The following DCX variants were observed in gnomAD, a reference collection of about 807,000 sequenced individuals.
The protein encoded by DCX is doublecortin, also known as neuronal migration protein doublecortin.
Under a neutral mutation model 20.9 loss-of-function variants are expected in DCX, and 4 were observed. The observed-to-expected ratio is 0.19, with a 90% CI of 0.09 to 0.44. The LOEUF (loss-of-function observed/expected upper bound fraction) is 0.44. Ranked by LOEUF, DCX falls within the 20% of genes least tolerant of loss-of-function variation. The pLI is 0.99. For missense variants in DCX, 133 were observed against 296.9 expected (o/e 0.45, Z 4.06); for synonymous variants, 103 against 111.4 (o/e 0.92, Z 0.47).
In DCX at chrX:111,300,652, T is replaced by A; in HGVS notation, c.*1035A>T. The A allele has an allele frequency of 9.1e-6, 1 of 110,341 alleles. No individual in the cohort carries two copies. The highest frequency in any genetic ancestry group is 2.8e-4 in the East Asian group (1 of 3,545). 9.1% of individuals were successfully genotyped at this position (110,341 alleles called of 1,213,427 possible). A position where few individuals can be genotyped will look rare whatever the true frequency, so the allele number is the denominator to read the frequency against. On this transcript the variant is annotated 3_prime_UTR_variant, in exon 7 of 7. Coordinates refer to ENST00000636035, the MANE Select transcript of DCX (RefSeq NM_001195553.2). ...TTTTTTGGTAAATTTTCTTCATGTG[T>A]TTTTTAGACAAAAGAAAAATCACCA...
intron 3 of DCX, among the ~76,000 whole-genome samples, chrX:111,367,678 C>T (rs1375679508): frequency 9.0e-6 from 1 of 111,620 alleles, no homozygotes; most frequent in Non-Finnish European, 1.9e-5. Flanking sequence ...AAGCAATGTG[C>T]TGTGTAGTAG....
In DCX at chrX:111,301,519, T is replaced by C; in HGVS notation, c.*168A>G. On this transcript the variant is annotated 3_prime_UTR_variant, in exon 7 of 7. Transcript: ENST00000636035. ...GTGGATCAGTGGCCCAGAGGAGAAA[T>C]CACAGGAAAATAAACCCAACATATT... is the stretch of plus-strand genomic sequence containing the variant. 1.8e-6 allele frequency: 1 copy of C among 542,846 alleles called. No homozygotes were observed. Among genetic ancestry groups the C allele is most frequent in the Non-Finnish European group, 3.3e-6 (1 of 304,371 alleles). The allele number at this position is 542,846 out of a possible 1,213,427, so 44.7% of individuals were successfully genotyped here.
chrX:111,325,179 A>G (rs752305120), intron 5 of DCX, among the ~76,000 whole-genome samples: 97 of 111,527 alleles, frequency 8.7e-4, no homozygotes, highest in African/African-American at 3.0e-3. Context: ...AAAGCAGCAC[A>G]AAGGAAATGA....
intron 3 of DCX, among the ~76,000 whole-genome samples, chrX:111,390,426 T>A (rs1414547697): frequency 8.9e-6 from 1 of 112,256 alleles, no homozygotes; most frequent in African/African-American, 3.2e-5. Flanking sequence ...TAAGCTGCTA[T>A]GTTTGTGGTA....
At chrX:111,312,911 G>A (rs777793533) in intron 5 of DCX, among the ~76,000 whole-genome samples, 175 bp from the exon 6 acceptor site, 2 of 111,847 alleles carry the variant, frequency 1.8e-5, no homozygotes, top group African/African-American at 6.5e-5. Flanking sequence ...GGCAAGAACT[G>A]CAATCCTCAG....
At position 111,401,200 on chromosome X, in the gene DCX, G is replaced by C; in HGVS notation, c.495C>G (p.Ser165Arg). 1 of 1,211,606 alleles carries C rather than the reference G, an allele frequency of 8.3e-7. No homozygotes were observed. The highest frequency in any genetic ancestry group is 1.1e-6 in the Non-Finnish European group (1 of 895,456). The change falls in exon 3 of 7, where the codon AGC (serine) becomes AGG (arginine). Residue 165 changes from serine (S) to arginine (R), a missense_variant. Around this residue, in one of 2 missense-constraint regions of DCX, gnomAD observed 65 missense variants for 212.6 expected, o/e 0.31. Coordinates refer to ENST00000636035, the MANE Select transcript of DCX (RefSeq NM_001195553.2). The stretch of plus-strand genomic sequence containing the variant: ...TGTTCTCCCTGGCCTGTGCACTGTT[G>C]CTGCTAGCCAAGGACTGGGGGGCTT... Reference protein sequence around the residue: ...NMKAPQSLASSNSAQARENKD... With the variant: ...NMKAPQSLASRNSAQARENKD...
At chrX:111,313,901 G>A (rs2095063296) in intron 5 of DCX, among the ~76,000 whole-genome samples, 1 of 92,745 alleles carries the variant, frequency 1.1e-5, no homozygotes, top group South Asian at 7.5e-4. Context: ...GAGAGGGGGA[G>A]GGAGAAAGAG....
rs1430533735 is a variant in DCX, at chrX:111,295,415, G to A, written c.*6272C>T. On this transcript the variant is annotated 3_prime_UTR_variant, in exon 7 of 7. Transcript: ENST00000636035. ...ATGTCTCTTTTTATAGTATAGATTT[G>A]TTAAATTATCTTTTCATTTAAATCA... The A allele has an allele frequency of 1.8e-5, 2 of 112,062 alleles. No homozygotes were observed. The highest frequency in any genetic ancestry group is 3.8e-5 in the Non-Finnish European group (2 of 53,172). The allele number at this position is 112,062 out of a possible 1,213,427, so 9.2% of individuals were successfully genotyped here. A position where few individuals can be genotyped will look rare whatever the true frequency, so the allele number is the denominator to read the frequency against.
intron 2 of DCX, among the ~76,000 whole-genome samples, chrX:111,404,292 T>C (rs991306412): frequency 2.8e-4 from 31 of 111,395 alleles, no homozygotes; most frequent in African/African-American, 1.0e-3. Context: ...AGGGCAACCA[T>C]CTAGGAACTG....
At chrX:111,330,800 A>T in intron 5 of DCX, 104 bp downstream of exon 5, 2 of 1,107,619 alleles carry the variant, frequency 1.8e-6, no homozygotes, top group South Asian at 3.7e-5. Flanking sequence ...ATAGGGTTTC[A>T]TGGAGACACA....
intron 3 of DCX, among the ~76,000 whole-genome samples, chrX:111,340,376 G>A (rs994777735): frequency 5.3e-5 from 6 of 112,200 alleles, no homozygotes; most frequent in African/African-American, 1.3e-4. Flanking sequence ...TCTGATCTCC[G>A]TGGGCCTGAA....
chrX:111,374,338 G>T (rs1427484549), intron 3 of DCX, among the ~76,000 whole-genome samples: 1 of 112,221 alleles, frequency 8.9e-6, no homozygotes, highest in African/African-American at 3.2e-5. Flanking sequence ...GAAGCTTTCT[G>T]TTATCCATAG....
rs866666878 is a variant in DCX at position 111,368,901 on chromosome X, T to C, written c.705+32089A>G. ...CTAATACGGGATATATATATATACA[T>C]ACACACACACACACACACACACACA... On this transcript the variant is annotated intron_variant, in intron 3 of 6. Transcript: ENST00000636035. Among the ~76,000 whole-genome samples, 11 of 98,276 alleles carry C rather than the reference T, an allele frequency of 1.1e-4. 1 individual carries two copies. Among genetic ancestry groups the C allele is most frequent in the South Asian group, 9.3e-4 (2 of 2,154 alleles). 85.3% of individuals were successfully genotyped at this position (98,276 alleles called of 115,157 possible). A position where few individuals can be genotyped will look rare whatever the true frequency, so the allele number is the denominator to read the frequency against.
chrX:111,391,120 A>G (rs1341628729), intron 3 of DCX, among the ~76,000 whole-genome samples: 2 of 110,810 alleles, frequency 1.8e-5, no homozygotes, highest in Non-Finnish European at 3.8e-5. Context: ...GTAATTCCCA[A>G]TTTTGGAGGC....
chrX:111,409,081 T>A (rs970244341), intron 2 of DCX, among the ~76,000 whole-genome samples: 9 of 111,518 alleles, frequency 8.1e-5, no homozygotes, highest in Admixed American at 5.7e-4. Flanking sequence ...TTATCACCAC[T>A]CCTTGAAGCT....
At chrX:111,404,048 T>TTAATAAAA (rs1928019876) in intron 2 of DCX, among the ~76,000 whole-genome samples, 2 of 73,484 alleles carry the variant, frequency 2.7e-5, no homozygotes, top group African/African-American at 4.9e-5. Context: ...AGATTCCGTC[T>TTAATAAAA]TAAAATAAAA....
intron 3 of DCX, among the ~76,000 whole-genome samples, chrX:111,368,165 T>C (rs181308489): frequency 1.5e-3 from 165 of 111,510 alleles, no homozygotes; most frequent in Non-Finnish European, 2.6e-3. Flanking sequence ...TTGCAATTTA[T>C]GCCCCAATTG....
At chrX:111,351,847 C>A (rs1923334068) in intron 3 of DCX, among the ~76,000 whole-genome samples, 1 of 111,989 alleles carries the variant, frequency 8.9e-6, no homozygotes, top group Non-Finnish European at 1.9e-5. Flanking sequence ...ACTTCAGCCT[C>A]CTGTGTAGCT....
intron 3 of DCX, among the ~76,000 whole-genome samples, chrX:111,365,134 G>A (rs1187779022): frequency 1.9e-5 from 2 of 107,717 alleles, no homozygotes; most frequent in Non-Finnish European, 3.8e-5. Context: ...TGCCCAGGCT[G>A]GTCTTAAACT....
Sources: allele counts gnomAD v4.1 joint callset (sites outside exome capture counted in the v4.1 genomes callset), GRCh38; gene constraint gnomAD v4.1.1; regional missense constraint gnomAD v4.1.1; transcripts MANE v1.5; gene names NCBI Gene and HGNC (gene_info 2026-07-23, HGNC 2026-07-21).